The following PIANP variants were observed in gnomAD, a reference collection of about 807,000 sequenced individuals.
PIANP encodes the protein PILR alpha-associated neural protein.
In PIANP, 14 loss-of-function variants were observed where a neutral mutation model predicts 28.9. The observed-to-expected ratio is 0.49, with a 90% CI of 0.32 to 0.76. PIANP has a LOEUF of 0.76. Ranked by LOEUF, PIANP falls within the 30% of genes least tolerant of loss-of-function variation. The pLI is 0.03. For missense variants in PIANP, 322 were observed against 371.8 expected, an observed-to-expected ratio of 0.87 and a Z score of 1.10; for synonymous variants, 149 against 156.6, an observed-to-expected ratio of 0.95 and a Z score of 0.36.
Position 6,697,832 on chromosome 12 carries a change from C to T in PIANP, c.18-40G>A, listed in dbSNP as rs1592450208. 6.6e-7 allele frequency: 1 copy of T among 1,505,292 alleles called. No homozygotes were observed. Among genetic ancestry groups the T allele is most frequent in the Non-Finnish European group, 8.9e-7 (1 of 1,127,628 alleles). The allele number at this position is 1,505,292 out of a possible 1,614,324, so 93.2% of individuals were successfully genotyped here. A position where few individuals can be genotyped will look rare whatever the true frequency, so the allele number is the denominator to read the frequency against. On this transcript the variant is annotated intron_variant, in intron 2 of 4. Transcript: ENST00000534837. The surrounding 1 kb of genome is among the most constrained non-coding windows in gnomAD (Gnocchi z 6.9). ...AGAGCGTGGCTGAGACACAGGCCTA[C>T]TGTGGGCCTATGTGAGGGAGGGACA...
Position 6,696,086 on chromosome 12 carries a change from A to G in PIANP, c.605+357T>C, listed in dbSNP as rs2137706165. On this transcript the variant is annotated intron_variant, in intron 4 of 4. Transcript: ENST00000534837. The surrounding 1 kb of genome is among the most constrained non-coding windows in gnomAD (Gnocchi z 4.0). ...GAGTGATCCATTATTAAATGTGTGCAAAGAAAGCTCCAGGTTTTCTTGCTC... is the reference window on the plus strand; with the variant it reads ...GAGTGATCCATTATTAAATGTGTGCGAAGAAAGCTCCAGGTTTTCTTGCTC... 1.3e-5 allele frequency among the ~76,000 whole-genome samples: 2 copies of G among 152,286 alleles called. No individual in the cohort carries two copies. The highest frequency in any genetic ancestry group is 3.9e-4 in the East Asian group (2 of 5,180).
rs1056774559 is a variant in PIANP at position 6,700,806 on chromosome 12, G to T, written c.-236C>A. ...GGAGATGCTCGCCTCGGCTCGGCTC[G>T]GCTCGGCTCGGCTGGGCTCGGCGCG... On this transcript the variant is annotated 5_prime_UTR_variant, in exon 1 of 5. Transcript: ENST00000534837. The surrounding 1 kb of genome is among the most constrained non-coding windows in gnomAD (Gnocchi z 5.5). 6.6e-6 allele frequency: 1 copy of T among 151,892 alleles called. No homozygotes were observed. 9.4% of individuals were successfully genotyped at this position (151,892 alleles called of 1,614,324 possible). A position where few individuals can be genotyped will look rare whatever the true frequency, so the allele number is the denominator to read the frequency against.
At position 6,698,670 on chromosome 12, in the gene PIANP, AAG is replaced by A. The variant is rs960295766; in HGVS notation, c.-43-568_-43-567del. On this transcript the variant is annotated intron_variant, in intron 1 of 4. Transcript: ENST00000534837. ...GGAGGGATGGAAGGAAAGAGACAGAAAGAGAGAGGTGAGTGGGAGAAAAACTA... is the reference window on the plus strand; with the variant it reads ...GGAGGGATGGAAGGAAAGAGACAGAAAGAGAGGTGAGTGGGAGAAAAACTA... Among the ~76,000 whole-genome samples the A allele has an allele frequency of 7.9e-5, 12 of 151,882 alleles. No individual in the cohort carries two copies. In the East Asian group the frequency reaches 2.1e-3, roughly 27 times the overall value.
rs1959878123 is a variant in PIANP at position 6,696,791 on chromosome 12, AC to A, written c.524-268del. ...GGATGAGGCCCCATGATCAGCGAGA[AC>A]CTATCACTATGCCTGGAAACTAAGG... is the stretch of plus-strand genomic sequence containing the variant. On this transcript the variant is annotated intron_variant, in intron 3 of 4. Coordinates refer to ENST00000534837, the MANE Select transcript of PIANP (RefSeq NM_001244014.2). This position sits in a 1 kb window ranked among gnomAD's most constrained non-coding sequence, Gnocchi z 4.0. 6.6e-6 allele frequency among the ~76,000 whole-genome samples: 1 copy of A among 152,086 alleles called. No individual in the cohort carries two copies. Among genetic ancestry groups the A allele is most frequent in the Non-Finnish European group, 1.5e-5 (1 of 68,012 alleles).
rs1458595734 is a variant in PIANP, at chr12:6,694,863, G to C, written c.*563C>G. 8.0e-6 allele frequency: 6 copies of C among 749,796 alleles called. No individual in the cohort carries two copies. The African/African-American group carries it at 1.1e-4, about 13-fold the overall frequency. The allele number at this position is 749,796 out of a possible 1,614,324, so 46.4% of individuals were successfully genotyped here. A position where few individuals can be genotyped will look rare whatever the true frequency, so the allele number is the denominator to read the frequency against. ...TATGTGAGGCCCCCACCTGCAGGAGGGCGAGCAGATAGGATTGCCCGTGGG... is the reference window on the plus strand; with the variant it reads ...TATGTGAGGCCCCCACCTGCAGGAGCGCGAGCAGATAGGATTGCCCGTGGG... On this transcript the variant is annotated 3_prime_UTR_variant, in exon 5 of 5. Coordinates refer to ENST00000534837, the MANE Select transcript of PIANP (RefSeq NM_001244014.2). This position sits in a 1 kb window ranked among gnomAD's most constrained non-coding sequence, Gnocchi z 6.1.
downstream of PIANP, among the ~76,000 whole-genome samples, chr12:6,693,122 A>G (rs541764391): frequency 2.6e-5 from 4 of 152,104 alleles, no homozygotes; most frequent in African/African-American, 9.6e-5. Flanking sequence ...CTGTTACAAG[A>G]GCCAAACCTA....
rs759397397 is a variant in PIANP at position 6,697,711 on chromosome 12, T to C, written c.99A>G (p.Ser33=). The change falls in exon 3 of 5, where the codon TCA becomes TCG. Residue 33 remains serine (S), a synonymous_variant. Coordinates refer to ENST00000534837, the MANE Select transcript of PIANP (RefSeq NM_001244014.2). The surrounding 1 kb of genome is among the most constrained non-coding windows in gnomAD (Gnocchi z 6.9). ...GGGCTGGTGGGGTTCGAGGGGAGGATGAAGAGCCCTGAGCAGGCGGTGGGA... is the reference window on the plus strand; with the variant it reads ...GGGCTGGTGGGGTTCGAGGGGAGGACGAAGAGCCCTGAGCAGGCGGTGGGA... The part of the protein sequence containing the change: ...LPLPPPAQGS[S]SSPRTPPAPA... 1 of 1,557,460 alleles carries C rather than the reference T, an allele frequency of 6.4e-7. No individual in the cohort carries two copies. Among genetic ancestry groups the C allele is most frequent in the South Asian group, 1.2e-5 (1 of 84,702 alleles).
At chr12:6,699,659 A>G (rs1959988381) in intron 1 of PIANP, among the ~76,000 whole-genome samples, 1 of 147,870 alleles carries the variant, frequency 6.8e-6, no homozygotes, top group African/African-American at 2.5e-5. Flanking sequence ...AGGAGTGGAG[A>G]GTAAGGGGAT....
chr12:6,697,692 G>A lies in PIANP; in HGVS notation c.118C>T (p.Pro40Ser). The change falls in exon 3 of 5, where the codon CCA becomes TCA. Residue 40 changes from proline (P) to serine (S), a missense_variant. Pro to Ser is a moderately conservative substitution (Grantham distance 74). Transcript: ENST00000534837. This position sits in a 1 kb window ranked among gnomAD's most constrained non-coding sequence, Gnocchi z 6.9. ...QGSSSSPRTP[P>S]APARPPCARG... Reference sequence around the variant, plus strand: ...GCACACGGGGGGCGGGCTGGGGCTGGTGGGGTTCGAGGGGAGGATGAAGAG... The same window carrying A: ...GCACACGGGGGGCGGGCTGGGGCTGATGGGGTTCGAGGGGAGGATGAAGAG... The A allele has an allele frequency of 6.4e-7, 1 of 1,556,880 alleles. No homozygotes were observed.
chr12:6,697,272 G>A lies in PIANP; in HGVS notation c.523+15C>T, dbSNP rs1041784989. On this transcript the variant is annotated intron_variant, in intron 3 of 4. Transcript: ENST00000534837. This position sits in a 1 kb window ranked among gnomAD's most constrained non-coding sequence, Gnocchi z 6.9. The stretch of plus-strand genomic sequence containing the variant: ...CTCCCCATCCGTCATATCCCTCCCA[G>A]CCTTTCCCACTCACCTTCCCCACGG... 1 of 1,612,924 alleles carries A rather than the reference G, an allele frequency of 6.2e-7. No individual in the cohort carries two copies. The highest frequency in any genetic ancestry group is 1.3e-5 in the African/African-American group (1 of 74,892).
rs533469975 is a variant in PIANP at position 6,697,808 on chromosome 12, G to C, written c.18-16C>G. On this transcript the variant is annotated splice_polypyrimidine_tract_variant and intron_variant, in intron 2 of 4. Transcript: ENST00000534837. The surrounding 1 kb of genome is among the most constrained non-coding windows in gnomAD (Gnocchi z 6.9). ...CAGCGCAGGCCTGCAAGAAGGGAGA[G>C]AGCGTGGCTGAGACACAGGCCTACT... 8 of 1,515,602 alleles carry C rather than the reference G, an allele frequency of 5.3e-6. No homozygotes were observed. In the African/African-American group the frequency reaches 5.6e-5, roughly 11 times the overall value. 93.9% of individuals were successfully genotyped at this position (1,515,602 alleles called of 1,614,324 possible). A position where few individuals can be genotyped will look rare whatever the true frequency, so the allele number is the denominator to read the frequency against.
downstream of PIANP, among the ~76,000 whole-genome samples, chr12:6,693,033 G>A (rs966118055): frequency 6.6e-5 from 10 of 152,088 alleles, no homozygotes; most frequent in Admixed American, 6.5e-4. Flanking sequence ...GGGGAGGGGG[G>A]ATAGATGGGA....
chr12:6,698,652 T>C (rs1959953901), intron 1 of PIANP, among the ~76,000 whole-genome samples: 1 of 149,498 alleles, frequency 6.7e-6, no homozygotes, highest in Non-Finnish European at 1.5e-5. Context: ...GCTGGAGGGA[T>C]GGAAGGAAAG....
chr12:6,699,379 G>T (rs1294300007), intron 1 of PIANP, among the ~76,000 whole-genome samples: 1 of 152,110 alleles, frequency 6.6e-6, no homozygotes, highest in Non-Finnish European at 1.5e-5. Flanking sequence ...CTGGGAGATG[G>T]AAGGCTGGTT....
chr12:6,696,450 TGAA>T lies in PIANP; in HGVS notation c.595_597del (p.Phe199del). The T allele has an allele frequency of 6.3e-7, 1 of 1,597,238 alleles. No homozygotes were observed. Among genetic ancestry groups the T allele is most frequent in the Non-Finnish European group, 8.5e-7 (1 of 1,172,134 alleles). The stretch of plus-strand genomic sequence containing the variant: ...TTCCTCCTCCCAGCTTACCAGAACT[TGAA>T]GATGATGCCAGTGGCCACGAGAACA... On this transcript the variant is annotated inframe_deletion, in exon 4 of 5. Coordinates refer to ENST00000534837, the MANE Select transcript of PIANP (RefSeq NM_001244014.2). This position sits in a 1 kb window ranked among gnomAD's most constrained non-coding sequence, Gnocchi z 4.0.
rs1229907893 is a variant in PIANP, at chr12:6,695,403, C to G, written c.*23G>C. On this transcript the variant is annotated 3_prime_UTR_variant, in exon 5 of 5. Transcript: ENST00000534837. The surrounding 1 kb of genome is among the most constrained non-coding windows in gnomAD (Gnocchi z 4.2). ...ACCTAAGTTGCCTTCCCTCTTTGCCCTCCCATCCCATTGCCCCTGCCCTCA... is the reference window on the plus strand; with the variant it reads ...ACCTAAGTTGCCTTCCCTCTTTGCCGTCCCATCCCATTGCCCCTGCCCTCA... The G allele has an allele frequency of 6.8e-7, 1 of 1,461,394 alleles. No individual in the cohort carries two copies. The highest frequency in any genetic ancestry group is 9.0e-7 in the Non-Finnish European group (1 of 1,105,316). 90.5% of individuals were successfully genotyped at this position (1,461,394 alleles called of 1,614,324 possible).
In PIANP at chr12:6,695,077, G is replaced by A; in HGVS notation, c.*349C>T. 6.4e-7 allele frequency: 1 copy of A among 1,574,114 alleles called. No homozygotes were observed. Among genetic ancestry groups the A allele is most frequent in the African/African-American group, 1.4e-5 (1 of 74,062 alleles). ...GGAATCCTGAGAGGAAGAGGGAAAGGGCACAGTCAGGAACCAAGGGGTAGG... is the reference window on the plus strand; with the variant it reads ...GGAATCCTGAGAGGAAGAGGGAAAGAGCACAGTCAGGAACCAAGGGGTAGG... On this transcript the variant is annotated 3_prime_UTR_variant, in exon 5 of 5. Transcript: ENST00000534837. This position sits in a 1 kb window ranked among gnomAD's most constrained non-coding sequence, Gnocchi z 4.2.
Position 6,697,315 on chromosome 12 carries a change from C to T in PIANP, c.495G>A (p.Arg165=), listed in dbSNP as rs1373731490. 4 of 1,613,972 alleles carry T rather than the reference C, an allele frequency of 2.5e-6. No individual in the cohort carries two copies. The highest frequency in any genetic ancestry group is 3.4e-6 in the Non-Finnish European group (4 of 1,179,882). Residue 165 remains arginine (R), a synonymous_variant, in exon 3 of 5, where the codon CGG becomes CGA. Transcript: ENST00000534837. The surrounding 1 kb of genome is among the most constrained non-coding windows in gnomAD (Gnocchi z 6.9). ...LILGEAPATL[R]PFLFGGRGEG... ...CCCCACGGCCCCCGAACAGGAATGG[C>T]CGCAGGGTGGCAGGTGCCTCTCCAA... is the stretch of plus-strand genomic sequence containing the variant.
In PIANP at chr12:6,695,675, T is replaced by C; in HGVS notation, c.606-24A>G. ...AGCTGGGGTACCAGAGGAAAAGAGGTTCTCTTGCACACTCAAGTAGCCCCC... is the reference window on the plus strand; with the variant it reads ...AGCTGGGGTACCAGAGGAAAAGAGGCTCTCTTGCACACTCAAGTAGCCCCC... On this transcript the variant is annotated intron_variant, in intron 4 of 4. Transcript: ENST00000534837. This position sits in a 1 kb window ranked among gnomAD's most constrained non-coding sequence, Gnocchi z 4.2. The C allele has an allele frequency of 6.8e-7, 1 of 1,476,124 alleles. No individual in the cohort carries two copies. The highest frequency in any genetic ancestry group is 9.0e-7 in the Non-Finnish European group (1 of 1,109,050). 91.4% of individuals were successfully genotyped at this position (1,476,124 alleles called of 1,614,324 possible).
Sources: gnomAD v4.1 joint callset for allele counts (sites outside exome capture counted in the v4.1 genomes callset) on GRCh38, gnomAD v4.1.1 for gene constraint, Gnocchi (gnomAD v3.1) non-coding constraint, MANE v1.5 for transcripts, NCBI Gene and HGNC (gene_info 2026-07-23, HGNC 2026-07-21) for gene names.